SHBG: variants seen among roughly 807,000 people sequenced by gnomAD.
SHBG encodes sex hormone binding globulin, also known as sex hormone-binding globulin.
In SHBG, 37 loss-of-function variants were observed where a neutral mutation model predicts 41.9. That is an observed-to-expected ratio of 0.88 (90% CI 0.68 to 1.16). The LOEUF (loss-of-function observed/expected upper bound fraction) is 1.16. Among genes scored for constraint, SHBG ranks in the 50% most tolerant of loss-of-function variants. The pLI is 0.00. For synonymous variants in SHBG, 217 were observed against 205.8 expected, an observed-to-expected ratio of 1.05 and a Z score of -0.47; for missense variants, 466 against 499.9, an observed-to-expected ratio of 0.93 and a Z score of 0.65.
At chr17:7,627,407 G>C, upstream of SHBG, 1 of 1,614,030 alleles carries the variant, frequency 6.2e-7, no homozygotes, top group Non-Finnish European at 8.5e-7. The surrounding 1 kb of genome is among the most constrained non-coding windows in gnomAD (Gnocchi z 4.8). Flanking sequence ...TTCGAATTCG[G>C]CTAGCTCCTA....
In SHBG at chr17:7,630,278, A is replaced by C; in HGVS notation, c.106A>C (p.Thr36Pro). 1 of 1,607,910 alleles carries C rather than the reference A, an allele frequency of 6.2e-7. No individual in the cohort carries two copies. Among genetic ancestry groups the C allele is most frequent in the Non-Finnish European group, 8.5e-7 (1 of 1,176,982 alleles). The change falls in exon 1 of 8, where the codon ACC becomes CCC. Residue 36 changes from threonine (T) to proline (P), a missense_variant. Transcript: ENST00000380450. This position sits in a 1 kb window ranked among gnomAD's most constrained non-coding sequence, Gnocchi z 4.6. The part of the protein sequence containing the change: ...QGWALRPVLP[T>P]QSAHDPPAVH... ...ATGGGCCCTGAGACCTGTTCTCCCCACCCAGGTGCAGGAGCGGGACAGGGC... is the reference window on the plus strand; with the variant it reads ...ATGGGCCCTGAGACCTGTTCTCCCCCCCCAGGTGCAGGAGCGGGACAGGGC...
At chr17:7,631,121 A>G (rs982095461) in intron 3 of SHBG, 79 bp from the exon 4 acceptor site, 6 of 1,379,276 alleles carry the variant, frequency 4.4e-6, no homozygotes, top group East Asian at 2.5e-5. Flanking sequence ...TCTTTCCACT[A>G]TAGTACTAGG....
chr17:7,630,908 G>A lies in SHBG; in HGVS notation c.393+39G>A. 1 of 1,587,514 alleles carries A rather than the reference G, an allele frequency of 6.3e-7. No homozygotes were observed. Among genetic ancestry groups the A allele is most frequent in the South Asian group, 1.1e-5 (1 of 90,552 alleles). On this transcript the variant is annotated intron_variant, in intron 3 of 7. Transcript: ENST00000380450. This position sits in a 1 kb window ranked among gnomAD's most constrained non-coding sequence, Gnocchi z 4.6. The stretch of plus-strand genomic sequence containing the variant: ...GGTCCTCAGGGGAGGGATGTCTGGA[G>A]CTGGTCTGAGGAAAGGGAACAAAAC...
intron 1 of SHBG, among the ~76,000 whole-genome samples, chr17:7,621,051 G>GCAC (rs2072083448): frequency 8.1e-6 from 1 of 123,690 alleles, no homozygotes; most frequent in East Asian, 2.5e-4. Context: ...AGCCATGATC[G>GCAC]CACCACTGCA....
chr17:7,630,470 ATCGCTG>A lies in SHBG; in HGVS notation c.169_174del (p.Ala57_Val58del), dbSNP rs769834507. 6.2e-7 allele frequency: 1 copy of A among 1,614,072 alleles called. No homozygotes were observed. Among genetic ancestry groups the A allele is most frequent in the Non-Finnish European group, 8.5e-7 (1 of 1,179,994 alleles). ...CAGCAATGGCCCAGGACAAGAGCCT[ATCGCTG>A]TCATGACCTTTGACCTCACCAAGAT... On this transcript the variant is annotated inframe_deletion, in exon 2 of 8. Coordinates refer to ENST00000380450, the MANE Select transcript of SHBG (RefSeq NM_001040.5). The surrounding 1 kb of genome is among the most constrained non-coding windows in gnomAD (Gnocchi z 4.6).
rs2071917539 is a variant in SHBG, at chr17:7,614,366, A to G, written c.-62+255A>G. The stretch of plus-strand genomic sequence containing the variant: ...ATTCTAAGGGCCAGGACTCAGCTCC[A>G]GAAGCTCGATCCCGCCCCACGCGTT... On this transcript the variant is annotated intron_variant, in intron 1 of 5. Coordinates refer to the SHBG transcript ENST00000570547. The G allele has an allele frequency of 4.0e-6, 4 of 1,011,478 alleles. No homozygotes were observed. In the East Asian group the frequency reaches 1.1e-4, roughly 27 times the overall value. 62.7% of individuals were successfully genotyped at this position (1,011,478 alleles called of 1,614,324 possible). A position where few individuals can be genotyped will look rare whatever the true frequency, so the allele number is the denominator to read the frequency against.
rs558722422 is a variant in SHBG, at chr17:7,618,759, G to A, written c.-62+4648G>A. Among the ~76,000 whole-genome samples, 25 of 152,286 alleles carry A rather than the reference G, an allele frequency of 1.6e-4. No individual in the cohort carries two copies. The East Asian group carries it at 3.9e-3, about 24-fold the overall frequency. On this transcript the variant is annotated intron_variant, in intron 1 of 5. Coordinates refer to the SHBG transcript ENST00000570547. ...AAACACAGGTTCCAGGAAACAGGAC[G>A]TCAACACAAGAGAGAGGCAAAGGGG...
At chr17:7,622,334 T>G (rs1211473439) in intron 1 of SHBG, among the ~76,000 whole-genome samples, 1 of 149,580 alleles carries the variant, frequency 6.7e-6, no homozygotes, top group African/African-American at 2.5e-5. Flanking sequence ...GTGCAGTGGC[T>G]CAATCTTGTC....
At chr17:7,616,145 A>G (rs1303601808) in intron 1 of SHBG, among the ~76,000 whole-genome samples, 1 of 149,460 alleles carries the variant, frequency 6.7e-6, no homozygotes, top group African/African-American at 2.5e-5. Flanking sequence ...CGTCTCTACT[A>G]AAATACAAAA....
upstream of SHBG, chr17:7,627,936 C>A: frequency 1.9e-6 from 1 of 538,638 alleles, no homozygotes; most frequent in Non-Finnish European, 3.5e-6. This position sits in a 1 kb window ranked among gnomAD's most constrained non-coding sequence, Gnocchi z 4.8. Context: ...CGGCCGCGTC[C>A]CCCCCAAGCC....
chr17:7,627,781 G>C (rs1237991585), upstream of SHBG: 1 of 891,502 alleles, frequency 1.1e-6, no homozygotes, highest in South Asian at 1.4e-5. The surrounding 1 kb of genome is among the most constrained non-coding windows in gnomAD (Gnocchi z 4.8). Flanking sequence ...GCCGCGGCCT[G>C]GTAAGTGGAG....
chr17:7,614,286 G>C (rs1031201455), intron 1 of SHBG, among the ~76,000 whole-genome samples: 2 of 152,098 alleles, frequency 1.3e-5, no homozygotes, highest in Admixed American at 1.3e-4. Context: ...AGAGGAACAG[G>C]GTTCACTCTA....
At chr17:7,619,390 C>CA (rs113765992) in intron 1 of SHBG, among the ~76,000 whole-genome samples, 24,044 of 129,420 alleles carry the variant, frequency 0.19, 2,542 homozygotes, top group Non-Finnish European at 0.26. Flanking sequence ...AACTCCATCT[C>CA]AAAAAAAAAA....
chr17:7,614,427 G>A (rs896449474), intron 1 of SHBG: 15 of 1,499,942 alleles, frequency 1.0e-5, no homozygotes, highest in East Asian at 2.6e-5. Context: ...AAGGACCGGC[G>A]TCCCCAGTCG....
chr17:7,626,721 G>A (rs2072219913), upstream of SHBG: 1 of 1,613,794 alleles, frequency 6.2e-7, no homozygotes, highest in Non-Finnish European at 8.5e-7. Flanking sequence ...GCTTCTTCAG[G>A]TCCTCACTTG....
At chr17:7,618,759 G>C (rs558722422) in intron 1 of SHBG, among the ~76,000 whole-genome samples, 1 of 152,168 alleles carries the variant, frequency 6.6e-6, no homozygotes, top group South Asian at 2.1e-4. Flanking sequence ...GAAACAGGAC[G>C]TCAACACAAG....
chr17:7,631,430 G>C, intron 4 of SHBG, 69 bp downstream of exon 4: 1 of 1,587,350 alleles, frequency 6.3e-7, no homozygotes, highest in East Asian at 2.2e-5. Flanking sequence ...CTGGCCGTGG[G>C]AATCTAAGTC....
intron 6 of SHBG, among the ~76,000 whole-genome samples, chr17:7,632,306 T>C (rs1286663244): frequency 1.3e-5 from 2 of 149,924 alleles, no homozygotes; most frequent in African/African-American, 2.4e-5. Flanking sequence ...TAGCCAGGCA[T>C]GGTAGCACAT....
rs115336700 is a variant in SHBG at position 7,631,341 on chromosome 17, G to C, written c.535G>C (p.Ala179Pro). 1,880 of 1,613,420 alleles carry C rather than the reference G, an allele frequency of 1.2e-3. 15 individuals are homozygous for C. In the African/African-American group the frequency reaches 0.022, roughly 19 times the overall value. ...TGCGCTTGGGGGGCTGCTCTTCCCC[G>C]CTTCCAACCTTCGGTTGCCGGTAAC... Reference protein sequence around the residue: ...RIALGGLLFPASNLRLPLVPA... With the variant: ...RIALGGLLFPPSNLRLPLVPA... Residue 179 changes from alanine (A) to proline (P), a missense_variant, in exon 4 of 8, where the codon GCT becomes CCT. Coordinates refer to ENST00000380450, the MANE Select transcript of SHBG (RefSeq NM_001040.5).
Sources: gnomAD v4.1 joint callset for allele counts (sites outside exome capture counted in the v4.1 genomes callset) on GRCh38, gnomAD v4.1.1 for gene constraint, Gnocchi (gnomAD v3.1) non-coding constraint, MANE v1.5 for transcripts, NCBI Gene and HGNC (gene_info 2026-07-23, HGNC 2026-07-21) for gene names.